The following PCDHGB5 variants were observed in gnomAD, a reference collection of about 807,000 sequenced individuals.
The protein encoded by PCDHGB5 is protocadherin gamma-B5.
A neutral mutation model predicts 62.9 loss-of-function variants in PCDHGB5; 48 were observed. The observed-to-expected ratio is 0.76, with a 90% CI of 0.61 to 0.97. The LOEUF is 0.97. Ranked by LOEUF, PCDHGB5 falls within the 50% of genes least tolerant of loss-of-function variation. PCDHGB5 has a pLI of 0.00. For missense variants in PCDHGB5, 1,118 were observed against 1,198.6 expected, an observed-to-expected ratio of 0.93 and a Z score of 0.99; for synonymous variants, 474 against 511.2, an observed-to-expected ratio of 0.93 and a Z score of 0.98.
intron 1 of PCDHGB5, chr5:141,428,048 G>A: frequency 6.2e-7 from 1 of 1,608,900 alleles, no homozygotes; most frequent in Admixed American, 1.7e-5. Context: ...TGGTGACCAA[G>A]GTGGTGGCGG....
In PCDHGB5 at chr5:141,489,432, G is replaced by A. The variant is rs2099687138; in HGVS notation, c.2398-5375G>A. ...TGACAGATCTGTTGAGCCGGCGGCTGCAATTGGGCTCTGAGGAGAATGGGC... is the reference window on the plus strand; with the variant it reads ...TGACAGATCTGTTGAGCCGGCGGCTACAATTGGGCTCTGAGGAGAATGGGC... On this transcript the variant is annotated intron_variant, in intron 1 of 3. Transcript: ENST00000617380. The surrounding 1 kb of genome is among the most constrained non-coding windows in gnomAD (Gnocchi z 4.5). 3.1e-6 allele frequency: 5 copies of A among 1,614,166 alleles called. No individual in the cohort carries two copies. Among genetic ancestry groups the A allele is most frequent in the Non-Finnish European group, 4.2e-6 (5 of 1,180,036 alleles).
At chr5:141,403,770 T>A in intron 1 of PCDHGB5, 1 of 1,613,894 alleles carries the variant, frequency 6.2e-7, no homozygotes, top group Non-Finnish European at 8.5e-7. Flanking sequence ...GATGAGGGAA[T>A]CAACGGAAAA....
chr5:141,462,852 T>C (rs1334709435), intron 1 of PCDHGB5, among the ~76,000 whole-genome samples: 1 of 152,202 alleles, frequency 6.6e-6, no homozygotes. Flanking sequence ...TTTTGAGTGT[T>C]TGGATTTTGT....
At chr5:141,501,557 G>A (rs192507373) in intron 2 of PCDHGB5, among the ~76,000 whole-genome samples, 1 of 152,124 alleles carries the variant, frequency 6.6e-6, no homozygotes, top group Non-Finnish European at 1.5e-5. Context: ...CATAGGCCCT[G>A]GAATCATATT....
Position 141,398,910 on chromosome 5 carries a change from G to T in PCDHGB5, c.783G>T (p.Val261=). 6.2e-7 allele frequency: 1 copy of T among 1,613,972 alleles called. No individual in the cohort carries two copies. The highest frequency in any genetic ancestry group is 8.5e-7 in the Non-Finnish European group (1 of 1,179,908). Residue 261 remains valine, a synonymous_variant, in exon 1 of 4, where the codon GTG becomes GTT. Coordinates refer to ENST00000617380, the MANE Select transcript of PCDHGB5 (RefSeq NM_018925.3). The part of the protein sequence containing the change: ...LRENVPPGTT[V]LQVSATDQDE... Reference sequence around the variant, plus strand: ...AAAACGTGCCACCAGGCACCACTGTGTTGCAAGTGTCAGCCACTGACCAAG... The same window carrying T: ...AAAACGTGCCACCAGGCACCACTGTTTTGCAAGTGTCAGCCACTGACCAAG...
At chr5:141,502,400 C>T (rs964923206) in intron 2 of PCDHGB5, among the ~76,000 whole-genome samples, 2 of 151,748 alleles carry the variant, frequency 1.3e-5, no homozygotes, top group African/African-American at 4.8e-5. Flanking sequence ...AAAATGTCCC[C>T]GAACCTGGAT....
At chr5:141,418,743 A>G in intron 1 of PCDHGB5, 5 of 1,613,954 alleles carry the variant, frequency 3.1e-6, no homozygotes, top group African/African-American at 1.3e-5. Context: ...TTCTCTCTGG[A>G]TTACACTACA....
intron 1 of PCDHGB5, chr5:141,441,551 T>C (rs2098254450): frequency 5.4e-6 from 1 of 184,050 alleles, no homozygotes; most frequent in African/African-American, 2.4e-5. Flanking sequence ...GCCTCCATAG[T>C]GTGCAAGTAG....
At chr5:141,404,147 G>C in intron 1 of PCDHGB5, 1 of 1,612,990 alleles carries the variant, frequency 6.2e-7, no homozygotes, top group African/African-American at 1.3e-5. Context: ...AAATTCAGAA[G>C]AAGATTATTA....
At position 141,501,332 on chromosome 5, in the gene PCDHGB5, CA is replaced by C. The variant is rs1257793029; in HGVS notation, c.2457-4060del. 1.8e-3 allele frequency among the ~76,000 whole-genome samples: 265 copies of C among 149,784 alleles called. 1 individual carries two copies. The highest frequency in any genetic ancestry group is 5.2e-3 in the African/African-American group (209 of 40,512). On this transcript the variant is annotated intron_variant, in intron 2 of 3. Transcript: ENST00000617380. Reference sequence around the variant, plus strand: ...ACACACACACACACACACACACACACACCCCAAACTCAATAGGGCAAGAACC... The same window carrying C: ...ACACACACACACACACACACACACACCCCCAAACTCAATAGGGCAAGAACC...
Position 141,505,441 on chromosome 5 carries a change from C to A in PCDHGB5, c.2505C>A (p.Asp835Glu), listed in dbSNP as rs2099846055. 6.2e-7 allele frequency: 1 copy of A among 1,614,084 alleles called. No individual in the cohort carries two copies. Among genetic ancestry groups the A allele is most frequent in the Non-Finnish European group, 8.5e-7 (1 of 1,180,024 alleles). Reference sequence around the variant, plus strand: ...GCACCTGGCCCAACAACCAGTTTGACACAGAGATGCTGCAAGCCATGATCT... The same window carrying A: ...GCACCTGGCCCAACAACCAGTTTGAAACAGAGATGCTGCAAGCCATGATCT... ...DTGTWPNNQFDTEMLQAMILA... is the reference protein window; with the variant it reads ...DTGTWPNNQFETEMLQAMILA... Residue 835 changes from aspartate to glutamate, a missense_variant, in exon 3 of 4, where the codon GAC becomes GAA. Transcript: ENST00000617380.
intron 1 of PCDHGB5, chr5:141,422,687 T>C: frequency 6.2e-7 from 1 of 1,604,936 alleles, no homozygotes; most frequent in Non-Finnish European, 8.5e-7. Flanking sequence ...CAGAATGCCC[T>C]GGTCACTTAC....
Position 141,489,779 on chromosome 5 carries a change from T to C in PCDHGB5, c.2398-5028T>C, listed in dbSNP as rs1269302289. 1.9e-6 allele frequency: 3 copies of C among 1,614,168 alleles called. No homozygotes were observed. Among genetic ancestry groups the C allele is most frequent in the Non-Finnish European group, 2.5e-6 (3 of 1,179,996 alleles). On this transcript the variant is annotated intron_variant, in intron 1 of 3. Coordinates refer to ENST00000617380, the MANE Select transcript of PCDHGB5 (RefSeq NM_018925.3). The surrounding 1 kb of genome is among the most constrained non-coding windows in gnomAD (Gnocchi z 4.5). ...CTAAGCCCCAACAGCCACTTCTCTC[T>C]GAATGTGAAGACCCTAAAAGATGGG...
intron 1 of PCDHGB5, chr5:141,427,255 G>C (rs1369151995): frequency 2.2e-6 from 1 of 456,746 alleles, no homozygotes; most frequent in Non-Finnish European, 4.4e-6. Flanking sequence ...GATGGTGGAG[G>C]CATGACCAGC....
intron 1 of PCDHGB5, chr5:141,413,731 G>A (rs1008251304): frequency 6.2e-7 from 1 of 1,613,454 alleles, no homozygotes; most frequent in South Asian, 1.1e-5. Context: ...CTCCCTAAGA[G>A]TTCAGAGCCG....
chr5:141,423,246 G>A, intron 1 of PCDHGB5: 15 of 1,613,922 alleles, frequency 9.3e-6, no homozygotes, highest in Non-Finnish European at 1.3e-5. Context: ...CCGAAGTCCT[G>A]GCGGACCTCG....
chr5:141,489,111 C>G lies in PCDHGB5; in HGVS notation c.2398-5696C>G. 1.9e-6 allele frequency: 1 copy of G among 518,042 alleles called. No individual in the cohort carries two copies. Among genetic ancestry groups the G allele is most frequent in the Non-Finnish European group, 3.2e-6 (1 of 308,182 alleles). The allele number at this position is 518,042 out of a possible 1,614,324, so 32.1% of individuals were successfully genotyped here. The stretch of plus-strand genomic sequence containing the variant: ...GTGACTAAGAACTGCTGCAAGCAGG[C>G]AAACCTCCGAGCAGTTTTTAAGAGG... On this transcript the variant is annotated intron_variant, in intron 1 of 3. Coordinates refer to ENST00000617380, the MANE Select transcript of PCDHGB5 (RefSeq NM_018925.3). This position sits in a 1 kb window ranked among gnomAD's most constrained non-coding sequence, Gnocchi z 4.5.
chr5:141,434,981 T>C (rs2097734526), intron 1 of PCDHGB5, among the ~76,000 whole-genome samples: 1 of 152,054 alleles, frequency 6.6e-6, no homozygotes. Flanking sequence ...GTTAATACTC[T>C]ATATCATTTT....
chr5:141,428,618 T>G (rs554092834), intron 1 of PCDHGB5: 12 of 206,130 alleles, frequency 5.8e-5, no homozygotes, highest in Admixed American at 2.6e-4. Context: ...AATAACAAGA[T>G]AAGCTCTAAC....
Sources: gnomAD v4.1 joint callset for allele counts (sites outside exome capture counted in the v4.1 genomes callset) on GRCh38, gnomAD v4.1.1 for gene constraint, Gnocchi (gnomAD v3.1) non-coding constraint, MANE v1.5 for transcripts, NCBI Gene and HGNC (gene_info 2026-07-23, HGNC 2026-07-21) for gene names.